PCDH7: variants seen among roughly 807,000 people sequenced by gnomAD.
PCDH7 encodes the protein protocadherin-7.
Under a neutral mutation model 58.9 loss-of-function variants are expected in PCDH7, and 17 were observed. The ratio of observed to expected loss-of-function variants is 0.29; its 90% confidence interval spans 0.20 to 0.43. The LOEUF (loss-of-function observed/expected upper bound fraction) is 0.43, where lower values mean the gene tolerates loss of function less well. Among genes scored for constraint, PCDH7 ranks in the 20% least tolerant of loss-of-function variants. PCDH7 has a pLI of 1.00. For missense variants in PCDH7, 1,274 were observed against 1,441.0 expected (o/e 0.88, Z 1.88); for synonymous variants, 664 against 616.4 (o/e 1.08, Z -1.14).
chr4:30,939,492 T>G (rs892445901), intron 2 of PCDH7, among the ~76,000 whole-genome samples: 5 of 152,186 alleles, frequency 3.3e-5, no homozygotes, highest in African/African-American at 1.2e-4. Flanking sequence ...ATAGTTACTT[T>G]CTTTTAGAGC....
chr4:31,013,471 A>G (rs936648291), intron 3 of PCDH7, among the ~76,000 whole-genome samples: 8 of 150,234 alleles, frequency 5.3e-5, no homozygotes, highest in Non-Finnish European at 1.2e-4. Context: ...TAATATGTGC[A>G]TATATAATAT....
chr4:31,099,227 A>T (rs1714574877), intron 3 of PCDH7, among the ~76,000 whole-genome samples: 1 of 152,202 alleles, frequency 6.6e-6, no homozygotes, highest in African/African-American at 2.4e-5. Context: ...ACAGCCAGAA[A>T]GGGGGCAAAG....
chr4:31,048,774 C>G (rs1418677696), intron 3 of PCDH7, among the ~76,000 whole-genome samples: 1 of 151,916 alleles, frequency 6.6e-6, no homozygotes, highest in Admixed American at 6.6e-5. Context: ...GCTATTGCCA[C>G]TCAGCAAAGG....
chr4:30,936,380 T>C (rs1697445451), intron 2 of PCDH7, among the ~76,000 whole-genome samples: 1 of 152,030 alleles, frequency 6.6e-6, no homozygotes, highest in South Asian at 2.1e-4. Flanking sequence ...AGGGCTATAT[T>C]TGAGTTATTG....
At chr4:31,088,237 T>C (rs919234758) in intron 3 of PCDH7, among the ~76,000 whole-genome samples, 1 of 152,072 alleles carries the variant, frequency 6.6e-6, no homozygotes, top group African/African-American at 2.4e-5. Context: ...GGGACATTGT[T>C]ATTATCTATT....
chr4:31,097,508 G>GAA (rs771633285), intron 3 of PCDH7, among the ~76,000 whole-genome samples: 2,847 of 94,480 alleles, frequency 0.03, 63 homozygotes, highest in Middle Eastern at 0.056. Context: ...AAGAAAGAAA[G>GAA]AGAGAAAGAA....
In PCDH7 at chr4:30,723,507, C is replaced by T. The variant is rs758457499; in HGVS notation, c.2085C>T (p.Tyr695=). ...TTGAAAATGACACGGGGACCATTTA[C>T]TCCACAATGTCTTTTGACCGGGAAC... Residue 695 remains tyrosine, a synonymous_variant, in exon 1 of 2, where the codon TAC becomes TAT. Coordinates refer to ENST00000361762, the Ensembl canonical transcript of PCDH7. This position sits in a 1 kb window ranked among gnomAD's most constrained non-coding sequence, Gnocchi z 4.6. 1.9e-6 allele frequency: 3 copies of T among 1,614,056 alleles called. No individual in the cohort carries two copies. The highest frequency in any genetic ancestry group is 2.7e-5 in the African/African-American group (2 of 74,920).
At chr4:30,761,795 A>G (rs1473413697) in intron 1 of PCDH7, among the ~76,000 whole-genome samples, 1 of 152,212 alleles carries the variant, frequency 6.6e-6, no homozygotes, top group African/African-American at 2.4e-5. Context: ...ATAATATAAA[A>G]TCTTACAACA....
At chr4:30,925,404 T>C (rs1743727379) in intron 2 of PCDH7, among the ~76,000 whole-genome samples, 1 of 152,184 alleles carries the variant, frequency 6.6e-6, no homozygotes, top group South Asian at 2.1e-4. Context: ...TTGTGCTGAT[T>C]TCACGTAGAT....
chr4:31,109,144 C>T (rs1715972430), intron 3 of PCDH7, among the ~76,000 whole-genome samples: 1 of 152,124 alleles, frequency 6.6e-6, no homozygotes, highest in South Asian at 2.1e-4. Flanking sequence ...GCTTCCACCC[C>T]ATTCCATTAA....
rs1366554438 is a variant in PCDH7 at position 31,097,635 on chromosome 4, T to TAA, written c.*8-44837_*8-44836insAA. 1.9e-3 allele frequency among the ~76,000 whole-genome samples: 85 copies of TAA among 45,702 alleles called. 4 individuals are homozygous for TAA. The highest frequency in any genetic ancestry group is 2.6e-3 in the Non-Finnish European group (71 of 27,056). 30.0% of individuals were successfully genotyped at this position (45,702 alleles called of 152,430 possible). On this transcript the variant is annotated intron_variant, in intron 3 of 3. Coordinates refer to the PCDH7 transcript ENST00000509759. ...ATATATATATATATATATATATATA[T>TAA]ATAAATCTTTTTTCTGTAATTTCTG...
At chr4:30,754,143 G>T (rs916677215) in intron 1 of PCDH7, among the ~76,000 whole-genome samples, 3 of 150,340 alleles carry the variant, frequency 2.0e-5, no homozygotes, top group African/African-American at 7.4e-5. Context: ...AAACTGTCAA[G>T]ATTTGCTGCA....
At chr4:30,799,445 T>C (rs1367395028) in intron 1 of PCDH7, among the ~76,000 whole-genome samples, 1 of 152,206 alleles carries the variant, frequency 6.6e-6, no homozygotes, top group Non-Finnish European at 1.5e-5. Flanking sequence ...TGCAAAGTAG[T>C]TAACCCATGG....
At chr4:30,724,626 TC>T in intron 1 of PCDH7, 30 bp downstream of exon 1, 1 of 1,605,058 alleles carries the variant, frequency 6.2e-7, no homozygotes, top group Non-Finnish European at 8.5e-7. Context: ...TATTTAAATA[TC>T]CCAGGGAGGG....
At chr4:30,986,704 C>T (rs1405781938) in intron 3 of PCDH7, among the ~76,000 whole-genome samples, 1 of 151,758 alleles carries the variant, frequency 6.6e-6, no homozygotes, top group African/African-American at 2.4e-5. Flanking sequence ...CTTTATTGGC[C>T]GGTCGCGGTG....
In PCDH7 at chr4:30,723,971, A is replaced by G. The variant is rs1254752589; in HGVS notation, c.2549A>G (p.Asp850Gly). ...AGTGTTTCTAATGCAACTGCGATTG[A>G]CTCCCAGATAGCTAGAAGTTTGCAC... Residue 850 changes from aspartate to glycine, a missense_variant, in exon 1 of 2, where the codon GAC (aspartate) becomes GGC (glycine). By Grantham distance (94) the Asp-to-Gly change is moderately conservative (BLOSUM62 -1). Around this residue, in one of 3 missense-constraint regions of PCDH7, gnomAD observed 731 missense variants for 881.9 expected, o/e 0.83. Transcript: ENST00000361762. This position sits in a 1 kb window ranked among gnomAD's most constrained non-coding sequence, Gnocchi z 4.6. The G allele has an allele frequency of 6.2e-7, 1 of 1,613,920 alleles. No individual in the cohort carries two copies. The highest frequency in any genetic ancestry group is 8.5e-7 in the Non-Finnish European group (1 of 1,180,022).
At chr4:30,923,029 G>A (rs1047167171) in intron 2 of PCDH7, among the ~76,000 whole-genome samples, 16 of 152,160 alleles carry the variant, frequency 1.1e-4, no homozygotes, top group Middle Eastern at 3.4e-3. Flanking sequence ...ACATTTAATT[G>A]GAATCCAGGT....
At chr4:31,083,803 G>A (rs941598074) in intron 3 of PCDH7, among the ~76,000 whole-genome samples, 1 of 152,198 alleles carries the variant, frequency 6.6e-6, no homozygotes, top group Non-Finnish European at 1.5e-5. Flanking sequence ...TACCCTCAAT[G>A]TATTAAGTAA....
chr4:31,057,256 T>C (rs1358863051), intron 3 of PCDH7, among the ~76,000 whole-genome samples: 2 of 152,136 alleles, frequency 1.3e-5, no homozygotes, highest in African/African-American at 4.8e-5. Flanking sequence ...TCTGACTCCA[T>C]TTAAATAATA....
Sources: allele counts gnomAD v4.1 joint callset (sites outside exome capture counted in the v4.1 genomes callset), GRCh38; gene constraint gnomAD v4.1.1; regional missense constraint gnomAD v4.1.1; non-coding constraint Gnocchi (gnomAD v3.1); transcripts MANE v1.5; gene names NCBI Gene and HGNC (gene_info 2026-07-23, HGNC 2026-07-21).